DCT: variants seen among roughly 807,000 people sequenced by gnomAD.
DCT encodes the protein dopachrome tautomerase.
Under a neutral mutation model 53.0 loss-of-function variants are expected in DCT, and 47 were observed. That is an observed-to-expected ratio of 0.89 (90% CI 0.70 to 1.13). The LOEUF (loss-of-function observed/expected upper bound fraction) is 1.13. DCT is among the 50% of genes most tolerant of loss of function. The pLI is 0.00. For missense variants in DCT, 669 were observed against 637.4 expected (o/e 1.05, Z -0.53); for synonymous variants, 244 against 237.0 (o/e 1.03, Z -0.27).
the DCT span, among the ~76,000 whole-genome samples, chr13:94,513,537 G>A: frequency 1.3e-5 from 2 of 152,096 alleles, no homozygotes; most frequent in Non-Finnish European, 2.9e-5. Flanking sequence ...GCATTTGTTA[G>A]GCACTTACTA....
At chr13:94,488,717 A>AAT in the DCT span, among the ~76,000 whole-genome samples, 1,078 of 91,500 alleles carry the variant, frequency 0.012, 8 homozygotes, top group African/African-American at 0.05. Context: ...CTTCTTGTCT[A>AAT]ATATATACAC....
In DCT at chr13:94,439,745, C is replaced by G. The variant is rs1398517899; in HGVS notation, c.*153G>C. 2.7e-5 allele frequency: 15 copies of G among 559,314 alleles called. No homozygotes were observed. Among genetic ancestry groups the G allele is most frequent in the Admixed American group, 1.7e-4 (5 of 28,836 alleles). 34.6% of individuals were successfully genotyped at this position (559,314 alleles called of 1,614,324 possible). A position where few individuals can be genotyped will look rare whatever the true frequency, so the allele number is the denominator to read the frequency against. Reference sequence around the variant, plus strand: ...CAAGCAAGCAAAGCGGAAACTACAGCTAAGCATCTTCTGAATGAGATCATC... The same window carrying G: ...CAAGCAAGCAAAGCGGAAACTACAGGTAAGCATCTTCTGAATGAGATCATC... On this transcript the variant is annotated 3_prime_UTR_variant, in exon 8 of 8. Coordinates refer to ENST00000377028, the MANE Select transcript of DCT (RefSeq NM_001922.5).
chr13:94,506,641 G>A, the DCT span, among the ~76,000 whole-genome samples: 57,716 of 151,938 alleles, frequency 0.38, 11,435 homozygotes, highest in East Asian at 0.61. Context: ...AAATTCCACA[G>A]TAATCATTAT....
the DCT span, among the ~76,000 whole-genome samples, chr13:94,539,694 T>C: frequency 6.6e-6 from 1 of 152,330 alleles, no homozygotes; most frequent in South Asian, 2.1e-4. Context: ...CTTTCCAACA[T>C]TATCTTTAGA....
chr13:94,459,052 G>GT (rs113555266), intron 6 of DCT, among the ~76,000 whole-genome samples: 21,488 of 151,490 alleles, frequency 0.14, 1,612 homozygotes, highest in South Asian at 0.2. Context: ...AATTTGTAAA[G>GT]GTTTTTGGTA....
At chr13:94,453,952 C>G (rs1883258085) in intron 6 of DCT, among the ~76,000 whole-genome samples, 1 of 152,120 alleles carries the variant, frequency 6.6e-6, no homozygotes, top group Admixed American at 6.5e-5. Context: ...CAACTAAACT[C>G]ACTCTAACTC....
chr13:94,544,759 G>A, the DCT span, among the ~76,000 whole-genome samples: 1 of 152,152 alleles, frequency 6.6e-6, no homozygotes, highest in Non-Finnish European at 1.5e-5. Context: ...TCTGAGATAT[G>A]ACAAATAGTA....
chr13:94,541,939 G>GA, the DCT span, among the ~76,000 whole-genome samples: 1 of 152,164 alleles, frequency 6.6e-6, no homozygotes, highest in Non-Finnish European at 1.5e-5. Flanking sequence ...TGGATTTTAG[G>GA]AAAACATCAG....
chr13:94,496,797 A>G, the DCT span, among the ~76,000 whole-genome samples: 1 of 152,184 alleles, frequency 6.6e-6, no homozygotes, highest in South Asian at 2.1e-4. Context: ...CCAGGACTTC[A>G]GAGCACCATG....
intron 1 of DCT, 36 bp from the exon 2 acceptor site, chr13:94,469,081 GT>G (rs1566848027): frequency 6.5e-7 from 1 of 1,539,822 alleles, no homozygotes; most frequent in South Asian, 1.1e-5. Context: ...AAGGAAGGGG[GT>G]TTATGTCGTT....
chr13:94,479,308 G>C lies in DCT; in HGVS notation c.-53C>G. On this transcript the variant is annotated 5_prime_UTR_variant, in exon 1 of 8. Coordinates refer to ENST00000377028, the MANE Select transcript of DCT (RefSeq NM_001922.5). ...CTCTCTTACTTTCCTTGTCTCTGTC[G>C]TACTTTTCTCCTTATCTTCTACTCT... 1 of 1,432,988 alleles carries C rather than the reference G, an allele frequency of 7.0e-7. No individual in the cohort carries two copies. The highest frequency in any genetic ancestry group is 9.4e-7 in the Non-Finnish European group (1 of 1,069,090). The allele number at this position is 1,432,988 out of a possible 1,614,324, so 88.8% of individuals were successfully genotyped here. A position where few individuals can be genotyped will look rare whatever the true frequency, so the allele number is the denominator to read the frequency against.
chr13:94,450,796 G>T (rs1883029245), intron 6 of DCT, among the ~76,000 whole-genome samples: 1 of 152,142 alleles, frequency 6.6e-6, no homozygotes, highest in South Asian at 2.1e-4. Context: ...TCTAGACAGA[G>T]ACTAAGCTAC....
the DCT span, among the ~76,000 whole-genome samples, chr13:94,489,761 TAC>T: frequency 0.015 from 2,287 of 150,416 alleles, 57 homozygotes; most frequent in African/African-American, 0.047. Context: ...GAATGATTAA[TAC>T]ACACACACAC....
At chr13:94,440,437 A>G (rs1381093638) in intron 7 of DCT, among the ~76,000 whole-genome samples, 1 of 152,150 alleles carries the variant, frequency 6.6e-6, no homozygotes, top group African/African-American at 2.4e-5. Flanking sequence ...TGCAAAATAT[A>G]CAGCCCTTGG....
intron 1 of DCT, among the ~76,000 whole-genome samples, chr13:94,472,872 G>A (rs571700855): frequency 2.8e-4 from 43 of 151,796 alleles, no homozygotes; most frequent in Non-Finnish European, 4.9e-4. Context: ...ATGAGCCACC[G>A]CACCCTGCCG....
At chr13:94,540,123 A>G in the DCT span, among the ~76,000 whole-genome samples, 1 of 151,924 alleles carries the variant, frequency 6.6e-6, no homozygotes, top group African/African-American at 2.4e-5. Flanking sequence ...AAAAAAAAAA[A>G]TGTGTTTAAT....
At chr13:94,512,549 G>A in the DCT span, among the ~76,000 whole-genome samples, 14 of 152,138 alleles carry the variant, frequency 9.2e-5, no homozygotes, top group South Asian at 4.2e-4. Flanking sequence ...GGGAAAAAAC[G>A]ACAAACTATT....
chr13:94,488,721 T>TACACAC, the DCT span, among the ~76,000 whole-genome samples: 1 of 74,610 alleles, frequency 1.3e-5, no homozygotes, highest in African/African-American at 6.3e-5. Context: ...TTGTCTAATA[T>TACACAC]ATACACACAC....
At chr13:94,451,965 T>G (rs144995424) in intron 6 of DCT, among the ~76,000 whole-genome samples, 105 of 152,250 alleles carry the variant, frequency 6.9e-4, no homozygotes, top group East Asian at 3.9e-4. Flanking sequence ...ACAAAAGTTA[T>G]GAAGACAGAT....
Sources: allele counts gnomAD v4.1 joint callset (sites outside exome capture counted in the v4.1 genomes callset), GRCh38; gene constraint gnomAD v4.1.1; transcripts MANE v1.5; gene names NCBI Gene and HGNC (gene_info 2026-07-23, HGNC 2026-07-21).